TMTC2: variants seen among roughly 807,000 people sequenced by gnomAD.
TMTC2 encodes protein O-mannosyl-transferase TMTC2.
Under a neutral mutation model 82.4 loss-of-function variants are expected in TMTC2, and 43 were observed. The ratio of observed to expected loss-of-function variants is 0.52; its 90% CI spans 0.41 to 0.67. The LOEUF (loss-of-function observed/expected upper bound fraction) is 0.67, where lower values mean the gene tolerates loss of function less well. Among genes scored for constraint, TMTC2 ranks in the 30% least tolerant of loss-of-function variants. The probability of loss-of-function intolerance (pLI) is 0.00; values close to 1 mark genes in which losing one functional copy is unlikely to be tolerated. For synonymous variants in TMTC2, 408 were observed against 381.9 expected (o/e 1.07, Z -0.80); for missense variants, 919 against 1,012.4 (o/e 0.91, Z 1.25).
chr12:82,743,138 G>A (rs1486827786), intron 1 of TMTC2, among the ~76,000 whole-genome samples: 1 of 152,044 alleles, frequency 6.6e-6, no homozygotes, highest in Non-Finnish European at 1.5e-5. Context: ...CAATTATGAA[G>A]ATTTAAATGA....
At chr12:82,796,557 G>A (rs1471468334) in intron 1 of TMTC2, among the ~76,000 whole-genome samples, 1 of 152,246 alleles carries the variant, frequency 6.6e-6, no homozygotes, top group Non-Finnish European at 1.5e-5. Context: ...GCAGTTTAAT[G>A]TAAGTAGTTG....
intron 1 of TMTC2, among the ~76,000 whole-genome samples, chr12:82,723,350 T>C (rs1874297582): frequency 1.3e-5 from 2 of 152,322 alleles, no homozygotes; most frequent in South Asian, 4.1e-4. Context: ...TTCTGAGCCC[T>C]GTTAGTTATG....
chr12:82,797,405 T>C (rs1878774251), intron 1 of TMTC2, among the ~76,000 whole-genome samples: 1 of 152,152 alleles, frequency 6.6e-6, no homozygotes, highest in Middle Eastern at 3.2e-3. Flanking sequence ...TTCAGAGAAA[T>C]AGACTTCCTT....
intron 11 of TMTC2, among the ~76,000 whole-genome samples, chr12:83,067,509 A>G (rs1374443363): frequency 6.6e-6 from 1 of 151,984 alleles, no homozygotes. Flanking sequence ...ACTGAAGAAG[A>G]AAAAGGAGAC....
intron 4 of TMTC2, among the ~76,000 whole-genome samples, chr12:82,932,768 T>C (rs889218548): frequency 4.6e-5 from 7 of 152,156 alleles, no homozygotes; most frequent in Non-Finnish European, 8.8e-5. Flanking sequence ...CACCTCTTCA[T>C]TGAAATGTTT....
At chr12:83,051,124 A>G in intron 10 of TMTC2, 106 bp downstream of exon 10, 1 of 715,520 alleles carries the variant, frequency 1.4e-6, no homozygotes, top group South Asian at 2.1e-5. Flanking sequence ...ATGTGAGTCA[A>G]TCACGCTGCT....
chr12:82,914,817 A>ATTTTTTTTTT (rs71068958), intron 3 of TMTC2, among the ~76,000 whole-genome samples: 1 of 86,406 alleles, frequency 1.2e-5, no homozygotes, highest in Non-Finnish European at 2.2e-5. Flanking sequence ...CAACTCACTT[A>ATTTTTTTTTT]TTTTTTTTTT....
At chr12:83,107,873 A>G (rs1299758090) in intron 11 of TMTC2, among the ~76,000 whole-genome samples, 1 of 152,148 alleles carries the variant, frequency 6.6e-6, no homozygotes, top group Non-Finnish European at 1.5e-5. Flanking sequence ...CCCAAATCTC[A>G]CGTTGAATTG....
At chr12:82,909,567 C>G (rs1304495265) in intron 3 of TMTC2, among the ~76,000 whole-genome samples, 3 of 152,098 alleles carry the variant, frequency 2.0e-5, no homozygotes, top group African/African-American at 4.8e-5. Context: ...GTCTCATTCT[C>G]CTGACCTTGT....
intron 11 of TMTC2, among the ~76,000 whole-genome samples, chr12:83,100,427 A>T (rs1428594935): frequency 6.6e-6 from 1 of 152,020 alleles, no homozygotes; most frequent in Non-Finnish European, 1.5e-5. Context: ...AATTTAGAAA[A>T]GTGACTTGGT....
intron 3 of TMTC2, among the ~76,000 whole-genome samples, chr12:82,929,375 A>G (rs2137241217): frequency 6.6e-6 from 1 of 152,256 alleles, no homozygotes; most frequent in East Asian, 1.9e-4. Context: ...TGTCTTAAAC[A>G]GCTTGTTTAT....
At chr12:83,007,129 A>G (rs1324381873) in intron 8 of TMTC2, among the ~76,000 whole-genome samples, 1 of 152,102 alleles carries the variant, frequency 6.6e-6, no homozygotes, top group Non-Finnish European at 1.5e-5. Context: ...ATTGAAAAAA[A>G]AAATTCGAAC....
At chr12:83,034,704 G>T (rs1248505342) in intron 9 of TMTC2, among the ~76,000 whole-genome samples, 1 of 152,088 alleles carries the variant, frequency 6.6e-6, no homozygotes, top group Non-Finnish European at 1.5e-5. Context: ...GAGTAGGGAT[G>T]GTGTGTTTTC....
intron 11 of TMTC2, among the ~76,000 whole-genome samples, chr12:83,078,845 T>C (rs1369817570): frequency 1.3e-5 from 2 of 152,132 alleles, no homozygotes; most frequent in Non-Finnish European, 2.9e-5. Context: ...TTTTGAAGAG[T>C]AAATAACAGG....
At chr12:82,944,470 G>A (rs1876887658) in intron 4 of TMTC2, among the ~76,000 whole-genome samples, 2 of 150,416 alleles carry the variant, frequency 1.3e-5, no homozygotes, top group South Asian at 4.2e-4. Flanking sequence ...AGTAGTCCCA[G>A]CGACTCCCAG....
At chr12:82,965,804 T>A in intron 6 of TMTC2, 60 bp downstream of exon 6, 1 of 1,593,320 alleles carries the variant, frequency 6.3e-7, no homozygotes, top group Non-Finnish European at 8.6e-7. Context: ...GTCTCAGTGG[T>A]TTGTAACCTA....
chr12:83,127,441 G>A (rs943317126), intron 11 of TMTC2, among the ~76,000 whole-genome samples: 16 of 151,798 alleles, frequency 1.1e-4, no homozygotes, highest in African/African-American at 3.6e-4. Context: ...GAGACCAATG[G>A]GATACAAGAG....
chr12:82,954,776 T>A (rs1877527711), intron 4 of TMTC2, among the ~76,000 whole-genome samples: 1 of 152,216 alleles, frequency 6.6e-6, no homozygotes, highest in South Asian at 2.1e-4. Context: ...AGGATTTGGA[T>A]GTTTTGATAG....
chr12:82,999,640 G>GAGAGAA (rs1879827475), intron 8 of TMTC2, among the ~76,000 whole-genome samples: 1 of 152,132 alleles, frequency 6.6e-6, no homozygotes, highest in African/African-American at 2.4e-5. Flanking sequence ...GAGAGAGAGA[G>GAGAGAA]AATGCTTGTG....
Sources: gnomAD v4.1 joint callset for allele counts (sites outside exome capture counted in the v4.1 genomes callset) on GRCh38, gnomAD v4.1.1 for gene constraint, MANE v1.5 for transcripts, NCBI Gene and HGNC (gene_info 2026-07-23, HGNC 2026-07-21) for gene names.